The following APP variants were observed in gnomAD, a reference collection of about 807,000 sequenced individuals.
APP encodes the protein amyloid-beta precursor protein.
A neutral mutation model predicts 101.4 loss-of-function variants in APP; 31 were observed. That is an observed-to-expected ratio of 0.31 (90% CI 0.23 to 0.41). The LOEUF is 0.41. Ranked by LOEUF, APP falls within the 10% of genes least tolerant of loss-of-function variation. The probability of loss-of-function intolerance (pLI) is 1.00; values close to 1 mark genes in which losing one functional copy is unlikely to be tolerated. For missense variants in APP, 839 were observed against 1,003.7 expected (o/e 0.84, Z 2.22); for synonymous variants, 366 against 364.4 (o/e 1.00, Z -0.05).
intron 1 of APP, among the ~76,000 whole-genome samples, chr21:26,132,763 T>C (rs1208943665): frequency 6.6e-6 from 1 of 152,224 alleles, no homozygotes; most frequent in East Asian, 1.9e-4. Context: ...GACTATAGTA[T>C]TTTGAGTGTT....
At chr21:25,970,915 G>A (rs150423552) in intron 11 of APP, among the ~76,000 whole-genome samples, 1,689 of 152,266 alleles carry the variant, frequency 0.011, 15 homozygotes, top group Non-Finnish European at 0.017. Context: ...AGGAAAATCG[G>A]TGCAAATGGG....
At chr21:25,921,340 C>A (rs1378670877) in intron 13 of APP, among the ~76,000 whole-genome samples, 2 of 119,384 alleles carry the variant, frequency 1.7e-5, no homozygotes, top group African/African-American at 6.7e-5. Flanking sequence ...AGAGCAAACA[C>A]ATTCAAAAGC....
chr21:26,148,403 C>G (rs2063196716), intron 1 of APP, among the ~76,000 whole-genome samples: 1 of 152,252 alleles, frequency 6.6e-6, no homozygotes, highest in Middle Eastern at 3.4e-3. Flanking sequence ...TCTTGAGATT[C>G]CTTTGCTAGT....
At chr21:25,939,821 C>CA (rs34393238) in intron 13 of APP, among the ~76,000 whole-genome samples, 2,247 of 141,590 alleles carry the variant, frequency 0.016, 60 homozygotes, top group Admixed American at 0.059. Flanking sequence ...CAGTATATTA[C>CA]AAAAAAAAAA....
chr21:26,074,750 CAA>C (rs10707239), intron 3 of APP, among the ~76,000 whole-genome samples: 63 of 145,064 alleles, frequency 4.3e-4, no homozygotes, highest in Middle Eastern at 7.1e-3. Context: ...CTGTGTCTCA[CAA>C]AAAAAAAAAA....
chr21:25,949,533 C>T (rs964661581), intron 13 of APP, among the ~76,000 whole-genome samples: 15 of 152,156 alleles, frequency 9.9e-5, no homozygotes, highest in African/African-American at 2.4e-4. Flanking sequence ...TTTAGGGTTA[C>T]GGAGGAGCCC....
intron 2 of APP, among the ~76,000 whole-genome samples, chr21:26,108,839 G>A (rs2062244107): frequency 6.6e-6 from 1 of 152,014 alleles, no homozygotes; most frequent in Admixed American, 6.5e-5. Flanking sequence ...AGCTGAGATT[G>A]TGCCACTGCA....
chr21:26,091,844 G>C (rs1489078475), intron 2 of APP, among the ~76,000 whole-genome samples: 2 of 152,200 alleles, frequency 1.3e-5, no homozygotes, highest in Non-Finnish European at 2.9e-5. Context: ...TTTGAGAAAA[G>C]AACTTCGACC....
chr21:26,126,152 T>G (rs1005593576), intron 1 of APP, among the ~76,000 whole-genome samples: 1 of 152,178 alleles, frequency 6.6e-6, no homozygotes, highest in African/African-American at 2.4e-5. Flanking sequence ...CTTGTTCAAA[T>G]AAACTAAGAG....
intron 15 of APP, among the ~76,000 whole-genome samples, chr21:25,898,882 G>A (rs946069337): frequency 1.3e-5 from 2 of 152,084 alleles, no homozygotes; most frequent in South Asian, 2.1e-4. Flanking sequence ...TCTTGTCTAC[G>A]AGATTCTGGG....
At chr21:25,946,122 C>A in intron 13 of APP, 1 of 293,426 alleles carries the variant, frequency 3.4e-6, no homozygotes, top group South Asian at 2.7e-5. Context: ...CTACAAAACT[C>A]TTAGAAGGTA....
At chr21:26,055,561 C>T (rs1264332195) in intron 3 of APP, among the ~76,000 whole-genome samples, 1 of 152,142 alleles carries the variant, frequency 6.6e-6, no homozygotes, top group Non-Finnish European at 1.5e-5. Flanking sequence ...AGGTCAGGGA[C>T]TAACCCTAGC....
At chr21:26,165,119 CAT>C (rs1462408293) in intron 1 of APP, among the ~76,000 whole-genome samples, 1 of 144,122 alleles carries the variant, frequency 6.9e-6, no homozygotes, top group African/African-American at 3.0e-5. Flanking sequence ...AGATCAAACT[CAT>C]AGACAACAAT....
At chr21:25,949,120 A>T (rs2040955303) in intron 13 of APP, among the ~76,000 whole-genome samples, 2 of 152,254 alleles carry the variant, frequency 1.3e-5, no homozygotes, top group South Asian at 4.1e-4. Context: ...TTAATAAATG[A>T]CTGAGCCTGG....
intron 1 of APP, among the ~76,000 whole-genome samples, chr21:26,156,667 T>C (rs1032068315): frequency 2.0e-5 from 3 of 152,214 alleles, no homozygotes; most frequent in African/African-American, 7.2e-5. Flanking sequence ...TATTTTCAGA[T>C]GTATGAAAGC....
intron 1 of APP, among the ~76,000 whole-genome samples, chr21:26,160,140 A>C (rs1470727563): frequency 2.6e-5 from 4 of 152,174 alleles, no homozygotes; most frequent in Non-Finnish European, 4.4e-5. Context: ...CATCACCTGG[A>C]AATCTCCCAG....
intron 3 of APP, among the ~76,000 whole-genome samples, chr21:26,076,697 CCA>C (rs1318205144): frequency 6.6e-6 from 1 of 152,152 alleles, no homozygotes; most frequent in Non-Finnish European, 1.5e-5. Flanking sequence ...CTCAATTAAA[CCA>C]CAGTTTAGCT....
intron 5 of APP, among the ~76,000 whole-genome samples, chr21:26,023,173 A>G (rs114046325): frequency 0.026 from 3,972 of 152,298 alleles, 156 homozygotes; most frequent in African/African-American, 0.091. Context: ...AGAAAACCAA[A>G]TATTTCAGTG....
At chr21:25,921,679 G>T (rs1234678353) in intron 13 of APP, among the ~76,000 whole-genome samples, 9 of 62,918 alleles carry the variant, frequency 1.4e-4, no homozygotes, top group Non-Finnish European at 2.4e-4. Context: ...AAACCAGGAA[G>T]AAGTTGAATC....
Sources: allele counts gnomAD v4.1 joint callset (sites outside exome capture counted in the v4.1 genomes callset), GRCh38; gene constraint gnomAD v4.1.1; transcripts MANE v1.5; gene names NCBI Gene and HGNC (gene_info 2026-07-23, HGNC 2026-07-21).